Variants in MLLT3 observed in about 807,000 individuals in gnomAD.
MLLT3 encodes the protein MLLT3 super elongation complex subunit.
MLLT3 carries 4 observed loss-of-function variants against 53.2 expected under a neutral mutation model. The observed-to-expected ratio is 0.08, with a 90% CI of 0.04 to 0.17. MLLT3 has a LOEUF of 0.17. Ranked by LOEUF, MLLT3 falls within the 10% of genes least tolerant of loss-of-function variation. The pLI is 1.00. For synonymous variants in MLLT3, 283 were observed against 230.6 expected (o/e 1.23, Z -2.06); for missense variants, 569 against 684.0 (o/e 0.83, Z 1.87).
chr9:20,522,370 T>C (rs779432635), intron 2 of MLLT3, among the ~76,000 whole-genome samples: 4 of 152,150 alleles, frequency 2.6e-5, no homozygotes, highest in Non-Finnish European at 4.4e-5. Flanking sequence ...TTAAACATTA[T>C]TTGAAAGAAA....
intron 2 of MLLT3, among the ~76,000 whole-genome samples, chr9:20,615,039 G>C (rs1190837403): frequency 1.3e-5 from 2 of 152,130 alleles, no homozygotes; most frequent in Non-Finnish European, 2.9e-5. Flanking sequence ...TTCAGGTAAT[G>C]CATCACAGAA....
chr9:20,349,385 A>T (rs1191826209), intron 10 of MLLT3, among the ~76,000 whole-genome samples: 1 of 152,194 alleles, frequency 6.6e-6, no homozygotes, highest in Non-Finnish European at 1.5e-5. Context: ...CTGATCCTTA[A>T]TTATCTGGGA....
At chr9:20,559,489 T>C (rs1427830753) in intron 2 of MLLT3, among the ~76,000 whole-genome samples, 1 of 152,192 alleles carries the variant, frequency 6.6e-6, no homozygotes, top group Admixed American at 6.5e-5. Context: ...AAACTTCTCT[T>C]TATTTTGGCA....
chr9:20,529,919 T>C (rs781109577), intron 2 of MLLT3, among the ~76,000 whole-genome samples: 2 of 152,114 alleles, frequency 1.3e-5, no homozygotes, highest in Non-Finnish European at 2.9e-5. Flanking sequence ...TTTATTTTCC[T>C]GTCTCTGATT....
At chr9:20,465,171 C>G (rs1422555397) in intron 2 of MLLT3, among the ~76,000 whole-genome samples, 1 of 148,830 alleles carries the variant, frequency 6.7e-6, no homozygotes, top group African/African-American at 2.5e-5. Flanking sequence ...AGGTGAAAAG[C>G]TATCTACACA....
chr9:20,435,734 G>T (rs1309560041), intron 4 of MLLT3, among the ~76,000 whole-genome samples: 1 of 152,124 alleles, frequency 6.6e-6, no homozygotes, highest in Non-Finnish European at 1.5e-5. Flanking sequence ...AGAAGCAAAA[G>T]AAATTAGTTT....
At chr9:20,519,562 A>C (rs971121929) in intron 2 of MLLT3, among the ~76,000 whole-genome samples, 4 of 152,208 alleles carry the variant, frequency 2.6e-5, no homozygotes, top group Admixed American at 2.6e-4. Context: ...TTTTCAAAAG[A>C]ATACATACAT....
At chr9:20,618,332 A>C (rs1820890064) in intron 2 of MLLT3, among the ~76,000 whole-genome samples, 1 of 152,212 alleles carries the variant, frequency 6.6e-6, no homozygotes, top group South Asian at 2.1e-4. Context: ...ATTTTGAAAG[A>C]CTTTATAAGC....
chr9:20,556,308 TTGATA>T (rs1162713061), intron 2 of MLLT3, among the ~76,000 whole-genome samples: 2 of 152,310 alleles, frequency 1.3e-5, no homozygotes, highest in Admixed American at 6.5e-5. Context: ...ATTTTCAGTA[TTGATA>T]TATTTTTATT....
At chr9:20,605,225 C>T (rs943418656) in intron 2 of MLLT3, among the ~76,000 whole-genome samples, 17 of 152,030 alleles carry the variant, frequency 1.1e-4, no homozygotes, top group African/African-American at 3.9e-4. Flanking sequence ...CTACCAAAAA[C>T]TACTTACACT....
In MLLT3 at chr9:20,622,429, C is replaced by G. The variant is rs911936199; in HGVS notation, c.-173G>C. ...CCCCGCGCTCGCTTGCTCGCTCGCTCGCTTATTAAACTCAGCCCCAAAAGC... is the reference window on the plus strand; with the variant it reads ...CCCCGCGCTCGCTTGCTCGCTCGCTGGCTTATTAAACTCAGCCCCAAAAGC... On this transcript the variant is annotated 5_prime_UTR_variant, in exon 1 of 11. Transcript: ENST00000380338. 6.7e-6 allele frequency: 4 copies of G among 600,894 alleles called. No homozygotes were observed. The African/African-American group carries it at 7.7e-5, about 12-fold the overall frequency. 37.2% of individuals were successfully genotyped at this position (600,894 alleles called of 1,614,324 possible).
intron 2 of MLLT3, among the ~76,000 whole-genome samples, chr9:20,535,577 G>A (rs1355372836): frequency 6.6e-6 from 1 of 152,050 alleles, no homozygotes; most frequent in South Asian, 2.1e-4. Context: ...TGAGTAATGA[G>A]AGACAAAAAA....
chr9:20,361,710 A>G (rs1462880974), intron 7 of MLLT3, among the ~76,000 whole-genome samples: 2 of 152,192 alleles, frequency 1.3e-5, no homozygotes, highest in African/African-American at 4.8e-5. Flanking sequence ...ATTTTCTTTT[A>G]TCCACAATAG....
chr9:20,388,542 C>T (rs906620548), intron 5 of MLLT3, among the ~76,000 whole-genome samples: 5 of 152,046 alleles, frequency 3.3e-5, no homozygotes, highest in Non-Finnish European at 5.9e-5. Context: ...GAGCCGAGAT[C>T]GTGCCACTGC....
intron 2 of MLLT3, among the ~76,000 whole-genome samples, chr9:20,614,789 A>G (rs1820783469): frequency 6.6e-6 from 1 of 152,184 alleles, no homozygotes; most frequent in Admixed American, 6.5e-5. Context: ...TAGAACTGTA[A>G]AAGTGATGTT....
intron 2 of MLLT3, among the ~76,000 whole-genome samples, chr9:20,494,708 C>T (rs530679684): frequency 6.6e-6 from 1 of 152,236 alleles, no homozygotes; most frequent in South Asian, 2.1e-4. Flanking sequence ...ATCCTTGAAA[C>T]AGACAAATTT....
At chr9:20,532,459 A>G (rs1818368194) in intron 2 of MLLT3, 2 of 178,778 alleles carry the variant, frequency 1.1e-5, no homozygotes, top group South Asian at 1.9e-4. Flanking sequence ...ATATAATTTG[A>G]GCCTACATTT....
At chr9:20,360,637 A>G (rs1821297069) in intron 8 of MLLT3, 105 bp downstream of exon 8, 2 of 891,402 alleles carry the variant, frequency 2.2e-6, no homozygotes, top group Admixed American at 1.9e-5. Flanking sequence ...TTTGGCATCA[A>G]GAGGAAGTTT....
At chr9:20,493,435 T>G (rs897636346) in intron 2 of MLLT3, among the ~76,000 whole-genome samples, 4 of 152,052 alleles carry the variant, frequency 2.6e-5, no homozygotes, top group African/African-American at 9.7e-5. Context: ...GGGTTAGTAT[T>G]TCTTTATAAA....
Sources: gnomAD v4.1 joint callset for allele counts (sites outside exome capture counted in the v4.1 genomes callset) on GRCh38, gnomAD v4.1.1 for gene constraint, MANE v1.5 for transcripts, NCBI Gene and HGNC (gene_info 2026-07-23, HGNC 2026-07-21) for gene names.